PAGE2B: variants seen among roughly 807,000 people sequenced by gnomAD.
The protein encoded by PAGE2B is putative G antigen family E member 3.
Under a neutral mutation model 7.6 loss-of-function variants are expected in PAGE2B, and 5 were observed. The observed-to-expected ratio is 0.66, with a 90% CI of 0.34 to 1.38. The LOEUF (loss-of-function observed/expected upper bound fraction) is 1.38, where lower values mean the gene tolerates loss of function less well. Among genes scored for constraint, PAGE2B ranks in the 40% most tolerant of loss-of-function variants. The pLI, the probability that PAGE2B is intolerant of heterozygous loss-of-function variation, is 0.04. For synonymous variants in PAGE2B, 29 were observed against 26.7 expected (o/e 1.09, Z -0.27); for missense variants, 70 against 78.4 (o/e 0.89, Z 0.41).
At chrX:55,071,182 G>C (rs977386422), upstream of PAGE2B, among the ~76,000 whole-genome samples, 1 of 111,084 alleles carries the variant, frequency 9.0e-6, no homozygotes. Context: ...TGCAGTAGCT[G>C]GTACCGGTTG....
the PAGE2B span, among the ~76,000 whole-genome samples, chrX:55,039,697 T>A: frequency 8.9e-6 from 1 of 111,734 alleles, no homozygotes; most frequent in South Asian, 3.7e-4. Flanking sequence ...TTTGCAAATA[T>A]TATTATCTTG....
chrX:55,044,542 A>G, the PAGE2B span, among the ~76,000 whole-genome samples: 1 of 110,476 alleles, frequency 9.1e-6, no homozygotes, highest in South Asian at 3.9e-4. Flanking sequence ...TAATCTCAGA[A>G]ATCACCACTA....
At chrX:55,077,053 T>C (rs1211047345) in intron 3 of PAGE2B, among the ~76,000 whole-genome samples, 4 of 111,805 alleles carry the variant, frequency 3.6e-5, no homozygotes, top group African/African-American at 1.3e-4. Context: ...CCTTTATTGA[T>C]GCTTCCTCAT....
At chrX:55,048,519 A>C in the PAGE2B span, among the ~76,000 whole-genome samples, 3 of 111,734 alleles carry the variant, frequency 2.7e-5, no homozygotes, top group South Asian at 1.1e-3. Context: ...GAAGTCCTTC[A>C]CATCCCTTGT....
At chrX:55,048,290 T>A in the PAGE2B span, among the ~76,000 whole-genome samples, 1 of 111,916 alleles carries the variant, frequency 8.9e-6, no homozygotes, top group African/African-American at 3.3e-5. Flanking sequence ...TGATGCGGGC[T>A]CTTTTTCAGT....
the PAGE2B span, among the ~76,000 whole-genome samples, chrX:55,042,674 A>G: frequency 9.7e-6 from 1 of 102,650 alleles, no homozygotes. Context: ...AAAAAAAAAA[A>G]AAAAAAAAAA....
At position 55,077,462 on chromosome X, in the gene PAGE2B, A is replaced by T. The variant is rs1336445205; in HGVS notation, c.257A>T (p.Asp86Val). 1.7e-6 allele frequency: 2 copies of T among 1,210,557 alleles called. No individual in the cohort carries two copies. The highest frequency in any genetic ancestry group is 4.4e-5 in the Admixed American group (2 of 45,879). The change falls in exon 4 of 5, where the codon GAT becomes GTT. Residue 86 changes from aspartate (D) to valine (V), a missense_variant. Asp to Val is a radical substitution (Grantham distance 152, BLOSUM62 -3). Coordinates refer to ENST00000374971, the MANE Select transcript of PAGE2B (RefSeq NM_001015038.3). ...CTTAAGATAGAGGATGAGCCTGGAG[A>T]TGGTCCTGATGTCAGGGAGGGGATT... ...ALLKIEDEPG[D>V]GPDVREGIMP...
chrX:55,028,550 C>T, the PAGE2B span, among the ~76,000 whole-genome samples: 1 of 111,691 alleles, frequency 9.0e-6, no homozygotes, highest in Non-Finnish European at 1.9e-5. Flanking sequence ...GAGAAATTAA[C>T]ACACATCATT....
rs968564013 is a variant in PAGE2B, at chrX:55,076,180, T to C, written c.84+55T>C. On this transcript the variant is annotated intron_variant, in intron 2 of 4. Coordinates refer to ENST00000374971, the MANE Select transcript of PAGE2B (RefSeq NM_001015038.3). ...TTAACACAATTTATTTTAAGAAATA[T>C]TTTTGAGCTAGTGTACACGCACTGA... 6.1e-6 allele frequency: 7 copies of C among 1,148,958 alleles called. No homozygotes were observed. In the African/African-American group the frequency reaches 1.3e-4, roughly 21 times the overall value. 94.7% of individuals were successfully genotyped at this position (1,148,958 alleles called of 1,213,427 possible). A position where few individuals can be genotyped will look rare whatever the true frequency, so the allele number is the denominator to read the frequency against.
the PAGE2B span, among the ~76,000 whole-genome samples, chrX:55,046,494 A>G: frequency 3.6e-5 from 4 of 111,714 alleles, no homozygotes; most frequent in African/African-American, 1.3e-4. Flanking sequence ...CTGTGAACCT[A>G]TGGATTATAT....
the PAGE2B span, among the ~76,000 whole-genome samples, chrX:55,040,229 G>C: frequency 9.1e-6 from 1 of 109,818 alleles, no homozygotes; most frequent in Non-Finnish European, 1.9e-5. Flanking sequence ...TGCCATGTTG[G>C]TGTGCTGCAC....
chrX:55,031,434 G>A, the PAGE2B span, among the ~76,000 whole-genome samples: 1 of 111,903 alleles, frequency 8.9e-6, no homozygotes, highest in Non-Finnish European at 1.9e-5. Context: ...GTAATATCAT[G>A]TATGGAAAAC....
intron 1 of PAGE2B, among the ~76,000 whole-genome samples, chrX:55,075,610 C>T (rs1399006181): frequency 3.6e-5 from 4 of 111,073 alleles, no homozygotes; most frequent in Non-Finnish European, 7.6e-5. Context: ...GCCATGGACG[C>T]CATGGAAGGA....
the PAGE2B span, among the ~76,000 whole-genome samples, chrX:55,058,669 T>A: frequency 9.0e-6 from 1 of 111,421 alleles, no homozygotes; most frequent in South Asian, 3.8e-4. Context: ...CATGCAATAC[T>A]TCGTTTAACC....
At chrX:55,047,679 C>G in the PAGE2B span, among the ~76,000 whole-genome samples, 1 of 112,064 alleles carries the variant, frequency 8.9e-6, no homozygotes, top group East Asian at 2.8e-4. Flanking sequence ...TGATGATGAG[C>G]ATTTTTTCAT....
the PAGE2B span, among the ~76,000 whole-genome samples, chrX:55,030,445 C>T: frequency 9.0e-6 from 1 of 111,555 alleles, no homozygotes; most frequent in Non-Finnish European, 1.9e-5. Context: ...CCCATGGGCT[C>T]TGACCCACTG....
At chrX:55,032,207 C>CA in the PAGE2B span, among the ~76,000 whole-genome samples, 2 of 111,268 alleles carry the variant, frequency 1.8e-5, no homozygotes, top group Non-Finnish European at 3.8e-5. Flanking sequence ...TTGATACTGC[C>CA]AATTTGTCCT....
At chrX:55,045,351 G>C in the PAGE2B span, among the ~76,000 whole-genome samples, 5 of 111,460 alleles carry the variant, frequency 4.5e-5, no homozygotes, top group Non-Finnish European at 9.4e-5. Flanking sequence ...TTCTTGGAAG[G>C]AAACACATAT....
chrX:55,036,687 T>G, the PAGE2B span, among the ~76,000 whole-genome samples: 6 of 110,212 alleles, frequency 5.4e-5, no homozygotes, highest in Non-Finnish European at 9.4e-5. Context: ...AGCATGGTAC[T>G]GGTACCAAAA....
Sources: gnomAD v4.1 joint callset for allele counts (sites outside exome capture counted in the v4.1 genomes callset) on GRCh38, gnomAD v4.1.1 for gene constraint, MANE v1.5 for transcripts, NCBI Gene and HGNC (gene_info 2026-07-23, HGNC 2026-07-21) for gene names.